ERCC6: variants seen among roughly 807,000 people sequenced by gnomAD.
The protein encoded by ERCC6 is DNA excision repair protein ERCC-6.
Under a neutral mutation model 158.7 loss-of-function variants are expected in ERCC6, and 116 were observed. The observed-to-expected ratio is 0.73, with a 90% CI of 0.63 to 0.85. ERCC6 has a LOEUF of 0.85. Ranked by LOEUF, ERCC6 falls within the 40% of genes least tolerant of loss-of-function variation. The probability of loss-of-function intolerance (pLI) is 0.00; values close to 1 mark genes in which losing one functional copy is unlikely to be tolerated. For synonymous variants in ERCC6, 678 were observed against 659.3 expected (o/e 1.03, Z -0.43); for missense variants, 1,698 against 1,799.4 (o/e 0.94, Z 1.02).
chr10:49,528,782 T>A (rs983092389), intron 3 of ERCC6, among the ~76,000 whole-genome samples: 3 of 152,178 alleles, frequency 2.0e-5, no homozygotes, highest in African/African-American at 7.2e-5. Context: ...GACGGCAGAC[T>A]GCCTTCTATG....
chr10:49,517,035 A>T, intron 5 of ERCC6: 3 of 1,613,938 alleles, frequency 1.9e-6, no homozygotes, highest in Non-Finnish European at 2.5e-6. Context: ...AGGTGGTTGT[A>T]TCACTATAGC....
chr10:49,528,648 T>G (rs1439611760), intron 3 of ERCC6, 123 bp from the exon 4 acceptor site: 7 of 1,264,474 alleles, frequency 5.5e-6, no homozygotes, highest in Non-Finnish European at 7.7e-6. Flanking sequence ...ATACATTACA[T>G]AAAAATTCCA....
intron 7 of ERCC6, among the ~76,000 whole-genome samples, chr10:49,498,915 C>A (rs1851310038): frequency 6.6e-6 from 1 of 152,096 alleles, no homozygotes; most frequent in East Asian, 1.9e-4. Flanking sequence ...AAGAAAGAGT[C>A]CTAGAAACCA....
In ERCC6 at chr10:49,470,817, T is replaced by A. The variant is rs766274422; in HGVS notation, c.3143A>T (p.His1048Leu). Residue 1048 changes from histidine to leucine, a missense_variant, in exon 18 of 21, where the codon CAT becomes CTT. His to Leu is a moderately conservative substitution (Grantham distance 99). Transcript: ENST00000355832. ...RRIQPAFGADHDVPKRKKFPA... is the reference protein window; with the variant it reads ...RRIQPAFGADLDVPKRKKFPA... Reference sequence around the variant, plus strand: ...GAACTTCTTGCGTTTTGGAACATCATGGTCTGCTCCAAAGGCTGGTTGAAT... The same window carrying A: ...GAACTTCTTGCGTTTTGGAACATCAAGGTCTGCTCCAAAGGCTGGTTGAAT... The A allele has an allele frequency of 1.2e-6, 2 of 1,614,202 alleles. No homozygotes were observed. The highest frequency in any genetic ancestry group is 1.7e-6 in the Non-Finnish European group (2 of 1,180,036).
chr10:49,523,251 G>T (rs1361392966), intron 5 of ERCC6, among the ~76,000 whole-genome samples: 2 of 152,136 alleles, frequency 1.3e-5, no homozygotes, highest in Admixed American at 6.5e-5. Context: ...TGAAATGCGC[G>T]GCAGTAGCAC....
rs1184355701 is a variant in ERCC6, at chr10:49,471,013, T to C, written c.3032A>G (p.Asp1011Gly). ...LYELFTLTSPDASQSTETSAI... is the reference protein window; with the variant it reads ...LYELFTLTSPGASQSTETSAI... Reference sequence around the variant, plus strand: ...ACTTGTTTCAGTGCTCTGGGATGCATCAGGACTAGTCAGAGTAAATAGCTC... The same window carrying C: ...ACTTGTTTCAGTGCTCTGGGATGCACCAGGACTAGTCAGAGTAAATAGCTC... The change falls in exon 17 of 21, where the codon GAT (aspartate) becomes GGT (glycine). Residue 1011 changes from aspartate to glycine, a missense_variant. Transcript: ENST00000355832. The C allele has an allele frequency of 1.2e-6, 2 of 1,614,122 alleles. No homozygotes were observed. Among genetic ancestry groups the C allele is most frequent in the Admixed American group, 3.3e-5 (2 of 60,026 alleles).
In ERCC6 at chr10:49,492,566, T is replaced by C. The variant is rs534994904; in HGVS notation, c.1821+551A>G. Among the ~76,000 whole-genome samples, 4 of 152,296 alleles carry C rather than the reference T, an allele frequency of 2.6e-5. No homozygotes were observed. The East Asian group carries it at 7.7e-4, about 29-fold the overall frequency. The stretch of plus-strand genomic sequence containing the variant: ...CCACAGGAGCACAGATAAAGCTCTT[T>C]TTTGATACTGTGATATTACCAAACT... On this transcript the variant is annotated intron_variant, in intron 8 of 20. Transcript: ENST00000355832.
intron 7 of ERCC6, among the ~76,000 whole-genome samples, chr10:49,500,154 A>G (rs1851332785): frequency 1.3e-5 from 2 of 152,254 alleles, no homozygotes; most frequent in African/African-American, 4.8e-5. Flanking sequence ...GTAAAATTTA[A>G]TAAATGGAAC....
At chr10:49,469,920 A>G (rs1850742366) in intron 18 of ERCC6, among the ~76,000 whole-genome samples, 1 of 152,258 alleles carries the variant, frequency 6.6e-6, no homozygotes. Flanking sequence ...GGTAGTACAC[A>G]TCGATTTAAG....
At chr10:49,473,146 G>A (rs900948701) in intron 14 of ERCC6, 118 bp from the exon 15 acceptor site, 10 of 1,381,072 alleles carry the variant, frequency 7.2e-6, no homozygotes, top group Non-Finnish European at 1.0e-5. Flanking sequence ...ATAAGGAATG[G>A]TAATGTCCTA....
intron 4 of ERCC6, chr10:49,525,081 G>T: frequency 4.4e-6 from 2 of 450,608 alleles, no homozygotes; most frequent in Non-Finnish European, 7.2e-6. Flanking sequence ...GTTATAAATA[G>T]TCAAGTTTAG....
At chr10:49,442,192 GTCC>G in the ERCC6 span, among the ~76,000 whole-genome samples, 5 of 152,226 alleles carry the variant, frequency 3.3e-5, no homozygotes, top group Non-Finnish European at 7.3e-5. Context: ...TTGTATCACT[GTCC>G]TCCAAACGAC....
chr10:49,537,475 G>A (rs150106294), intron 1 of ERCC6, among the ~76,000 whole-genome samples: 42 of 150,010 alleles, frequency 2.8e-4, no homozygotes, highest in African/African-American at 9.1e-4. Context: ...GGGAAAAACA[G>A]ACATTTAAAA....
chr10:49,539,216 C>T (rs928865222), upstream of ERCC6, among the ~76,000 whole-genome samples: 2 of 152,388 alleles, frequency 1.3e-5, no homozygotes, highest in Middle Eastern at 3.4e-3. Flanking sequence ...TGCGTGCGAG[C>T]AGGGCGAGAA....
At chr10:49,491,610 T>C (rs938810121) in intron 8 of ERCC6, among the ~76,000 whole-genome samples, 1 of 152,216 alleles carries the variant, frequency 6.6e-6, no homozygotes, top group African/African-American at 2.4e-5. Flanking sequence ...AAATTTACTG[T>C]CAATTCTATT....
chr10:49,493,578 A>G (rs888866839), intron 7 of ERCC6, among the ~76,000 whole-genome samples: 5 of 152,220 alleles, frequency 3.3e-5, no homozygotes, highest in Non-Finnish European at 5.9e-5. Context: ...TCTACTACAG[A>G]TTAGTGAAGT....
intron 8 of ERCC6, among the ~76,000 whole-genome samples, chr10:49,486,794 T>C (rs565115087): frequency 1.2e-4 from 18 of 152,340 alleles, no homozygotes; most frequent in African/African-American, 4.1e-4. Flanking sequence ...ATGAGTAAAG[T>C]AGGACTAGAT....
chr10:49,528,590 T>C (rs1050465266), intron 3 of ERCC6, 65 bp from the exon 4 acceptor site: 3 of 1,574,992 alleles, frequency 1.9e-6, no homozygotes, highest in African/African-American at 2.7e-5. Flanking sequence ...ATACAAAAGA[T>C]AGCATTATGA....
chr10:49,471,172 A>C, intron 16 of ERCC6, 52 bp from the exon 17 acceptor site: 1 of 1,581,876 alleles, frequency 6.3e-7, no homozygotes, highest in South Asian at 1.1e-5. Flanking sequence ...CTCTACCTAA[A>C]AATTCAAGTT....
Sources: allele counts gnomAD v4.1 joint callset (sites outside exome capture counted in the v4.1 genomes callset), GRCh38; gene constraint gnomAD v4.1.1; transcripts MANE v1.5; gene names NCBI Gene and HGNC (gene_info 2026-07-23, HGNC 2026-07-21).